Variants in GOLIM4 observed in about 807,000 individuals in gnomAD.
The protein encoded by GOLIM4 is 130 kDa golgi-localized phosphoprotein.
GOLIM4 carries 71 observed loss-of-function variants against 107.4 expected under a neutral mutation model. That is an observed-to-expected ratio of 0.66 (90% confidence interval 0.55 to 0.81). The LOEUF (loss-of-function observed/expected upper bound fraction) is 0.81. GOLIM4 is among the 30% of genes least tolerant of loss of function. GOLIM4 has a pLI of 0.00. For synonymous variants in GOLIM4, 327 were observed against 294.8 expected, an observed-to-expected ratio of 1.11 and a Z score of -1.12; for missense variants, 830 against 826.1, an observed-to-expected ratio of 1.00 and a Z score of -0.06.
In GOLIM4 at chr3:168,095,198, C is replaced by G. The variant is rs1194196512; in HGVS notation, c.88G>C (p.Ala30Pro). 6.8e-6 allele frequency: 11 copies of G among 1,613,652 alleles called. No homozygotes were observed. Among genetic ancestry groups the G allele is most frequent in the Non-Finnish European group, 8.5e-6 (10 of 1,179,980 alleles). Reference protein sequence around the residue: ...LTVVFGFLYGAMLYYELQTQL... With the variant: ...LTVVFGFLYGPMLYYELQTQL... ...GTCTGCAGCTCGTAGTAGAGCATCG[C>G]GCCGTAGAGAAAGCCGAACACGACG... Residue 30 changes from alanine (A) to proline (P), a missense_variant, in exon 1 of 16, where the codon GCG becomes CCG. By Grantham distance (27) the Ala-to-Pro change is conservative. Transcript: ENST00000470487.
chr3:168,073,362 G>C (rs909955645), intron 1 of GOLIM4, among the ~76,000 whole-genome samples: 2 of 152,120 alleles, frequency 1.3e-5, no homozygotes, highest in Admixed American at 6.6e-5. Context: ...TTCATGTTTA[G>C]TAAACTCTTT....
chr3:168,090,835 G>A (rs1721869650), intron 1 of GOLIM4, among the ~76,000 whole-genome samples: 2 of 152,306 alleles, frequency 1.3e-5, no homozygotes, highest in South Asian at 4.1e-4. Context: ...ATACTACTCA[G>A]CCGTAACAAG....
intron 1 of GOLIM4, among the ~76,000 whole-genome samples, chr3:168,063,594 T>G (rs1879814): frequency 0.18 from 26,595 of 151,932 alleles, 2,545 homozygotes; most frequent in Middle Eastern, 0.23. Context: ...GAGGGAATAT[T>G]TTAATCACTA....
At chr3:168,072,017 T>C (rs141490835) in intron 1 of GOLIM4, among the ~76,000 whole-genome samples, 1 of 152,164 alleles carries the variant, frequency 6.6e-6, no homozygotes. Context: ...AAGTTTAATT[T>C]TATGGCCAGT....
chr3:168,079,685 A>G (rs1415443104), intron 1 of GOLIM4, among the ~76,000 whole-genome samples: 3 of 152,190 alleles, frequency 2.0e-5, no homozygotes, highest in African/African-American at 7.2e-5. Context: ...TCATTTAGAT[A>G]ACTAAAAATA....
At chr3:168,047,423 C>T (rs1407453999) in intron 2 of GOLIM4, among the ~76,000 whole-genome samples, 10 of 152,148 alleles carry the variant, frequency 6.6e-5, no homozygotes, top group Non-Finnish European at 5.9e-5. Flanking sequence ...GCTTTGAAAA[C>T]CTTATTATCC....
chr3:168,009,426 C>CAGACAAAAAA lies in GOLIM4; in HGVS notation c.*842_*843insTTTTTTGTCT, dbSNP rs201375757. On this transcript the variant is annotated 3_prime_UTR_variant, in exon 16 of 16. Transcript: ENST00000470487. ...AAACAAGAATATCAATCAATGGCTT[C>CAGACAAAAAA]AAACAAAAAAAAAAAAAAAAAATTG... 2 of 8,734 alleles carry CAGACAAAAAA rather than the reference C, an allele frequency of 2.3e-4. No individual in the cohort carries two copies. Among genetic ancestry groups the CAGACAAAAAA allele is most frequent in the African/African-American group, 1.5e-4 (1 of 6,554 alleles). 0.5% of individuals were successfully genotyped at this position (8,734 alleles called of 1,614,324 possible). A position where few individuals can be genotyped will look rare whatever the true frequency, so the allele number is the denominator to read the frequency against.
At chr3:168,050,679 T>C (rs1371061061) in intron 1 of GOLIM4, among the ~76,000 whole-genome samples, 2 of 151,982 alleles carry the variant, frequency 1.3e-5, no homozygotes, top group Non-Finnish European at 2.9e-5. Flanking sequence ...TAAAAGTGAA[T>C]CTGATTGCAC....
chr3:168,021,996 A>C (rs1157697763), intron 14 of GOLIM4, among the ~76,000 whole-genome samples: 1 of 152,230 alleles, frequency 6.6e-6, no homozygotes, highest in East Asian at 1.9e-4. Context: ...TAAGGAAGGG[A>C]TCATGCCTTC....
At position 168,029,381 on chromosome 3, in the gene GOLIM4, A is replaced by G. The variant is rs139076938; in HGVS notation, c.1434-79T>C. On this transcript the variant is annotated intron_variant, in intron 10 of 15. Transcript: ENST00000470487. ...TTTGACATAGGTCATTTATCTTTAAAGACAGTAATAAGTAATGTTTCTCAA... is the reference window on the plus strand; with the variant it reads ...TTTGACATAGGTCATTTATCTTTAAGGACAGTAATAAGTAATGTTTCTCAA... The G allele has an allele frequency of 5.9e-5, 53 of 899,668 alleles. No homozygotes were observed. In the African/African-American group the frequency reaches 7.1e-4, roughly 12 times the overall value. 55.7% of individuals were successfully genotyped at this position (899,668 alleles called of 1,614,324 possible).
Position 168,095,728 on chromosome 3 carries a change from A to AG in GOLIM4, c.-444dup. ...GCACGACTTTGTTGCCACCTAAGGG[A>AG]GGGGGTGCGCGCCCAACAAAGGGAC... On this transcript the variant is annotated 5_prime_UTR_variant, in exon 1 of 16. Transcript: ENST00000470487. 1 of 164,486 alleles carries AG rather than the reference A, an allele frequency of 6.1e-6. No homozygotes were observed. The highest frequency in any genetic ancestry group is 1.3e-5 in the Non-Finnish European group (1 of 76,812). The allele number at this position is 164,486 out of a possible 1,614,324, so 10.2% of individuals were successfully genotyped here.
At chr3:168,093,955 A>G (rs996334303) in intron 1 of GOLIM4, among the ~76,000 whole-genome samples, 28 of 152,242 alleles carry the variant, frequency 1.8e-4, no homozygotes, top group African/African-American at 6.5e-4. Context: ...ACACAGAAAC[A>G]TCCCTCTAGC....
intron 11 of GOLIM4, among the ~76,000 whole-genome samples, 194 bp from the exon 12 acceptor site, chr3:168,028,031 T>G (rs1008814485): frequency 6.6e-6 from 1 of 152,212 alleles, no homozygotes; most frequent in African/African-American, 2.4e-5. Flanking sequence ...TCTAGAGAGA[T>G]GATATGGGTC....
chr3:168,023,747 T>C (rs1560071983), intron 14 of GOLIM4, among the ~76,000 whole-genome samples: 1 of 152,214 alleles, frequency 6.6e-6, no homozygotes, highest in Non-Finnish European at 1.5e-5. Context: ...CTAATTTGTA[T>C]CAGACTCTTA....
At chr3:168,032,487 A>C in intron 9 of GOLIM4, 33 bp downstream of exon 9, 1 of 1,515,274 alleles carries the variant, frequency 6.6e-7, no homozygotes, top group Non-Finnish European at 9.2e-7. Context: ...TTTCCATCCC[A>C]GTACACCATA....
At chr3:168,091,623 A>T (rs1174485604) in intron 1 of GOLIM4, among the ~76,000 whole-genome samples, 1 of 152,246 alleles carries the variant, frequency 6.6e-6, no homozygotes, top group African/African-American at 2.4e-5. Context: ...CAAACCTGGC[A>T]AGAGTAAAAG....
chr3:168,032,537 C>A lies in GOLIM4; in HGVS notation c.1159G>T (p.Gly387Trp). ...EQREAANLLE[G>W]HARAEVYPSA... is the part of the protein sequence containing the mutation. ...CTTCATACCTCAGCACGCGCGTGCC[C>A]TTCCAGGAGGTTGGCTGCTTCTCGT... Residue 387 changes from glycine to tryptophan, a missense_variant, in exon 9 of 16, where the codon GGG becomes TGG. Gly to Trp is a radical substitution (Grantham distance 184, BLOSUM62 -2). Coordinates refer to ENST00000470487, the MANE Select transcript of GOLIM4 (RefSeq NM_014498.5). The A allele has an allele frequency of 6.2e-7, 1 of 1,614,012 alleles. No homozygotes were observed. The highest frequency in any genetic ancestry group is 8.5e-7 in the Non-Finnish European group (1 of 1,179,930).
At chr3:168,063,186 T>G (rs528264506) in intron 1 of GOLIM4, among the ~76,000 whole-genome samples, 1 of 152,168 alleles carries the variant, frequency 6.6e-6, no homozygotes, top group Admixed American at 6.5e-5. Context: ...CTTCTTACAT[T>G]TGCCACTGAG....
At chr3:168,046,565 C>A (rs541700691) in intron 3 of GOLIM4, among the ~76,000 whole-genome samples, 26 of 152,326 alleles carry the variant, frequency 1.7e-4, no homozygotes, top group Admixed American at 1.6e-3. Flanking sequence ...CATCCCTTCA[C>A]CCATTCCACA....
Sources: gnomAD v4.1 joint callset for allele counts (sites outside exome capture counted in the v4.1 genomes callset) on GRCh38, gnomAD v4.1.1 for gene constraint, MANE v1.5 for transcripts, NCBI Gene and HGNC (gene_info 2026-07-23, HGNC 2026-07-21) for gene names.